Variants in FRAS1 observed in about 807,000 individuals in gnomAD.
The protein encoded by FRAS1 is extracellular matrix organizing protein FRAS1.
A neutral mutation model predicts 435.2 loss-of-function variants in FRAS1; 290 were observed. The ratio of observed to expected loss-of-function variants is 0.67; its 90% CI spans 0.61 to 0.73. The LOEUF (loss-of-function observed/expected upper bound fraction) is 0.73. Among genes scored for constraint, FRAS1 ranks in the 30% least tolerant of loss-of-function variants. The probability of loss-of-function intolerance (pLI) is 0.00; values close to 1 mark genes in which losing one functional copy is unlikely to be tolerated. For synonymous variants in FRAS1, 1,800 were observed against 1,851.0 expected, an observed-to-expected ratio of 0.97 and a Z score of 0.71; for missense variants, 4,860 against 5,001.5, an observed-to-expected ratio of 0.97 and a Z score of 0.85.
chr4:78,363,871 C>T (rs776244598), intron 21 of FRAS1, 37 bp from the exon 22 acceptor site: 2 of 1,583,104 alleles, frequency 1.3e-6, no homozygotes, highest in East Asian at 2.2e-5. Flanking sequence ...GAGAATCTGA[C>T]ATCATGGTTT....
intron 2 of FRAS1, among the ~76,000 whole-genome samples, chr4:78,095,938 C>T (rs1741782062): frequency 6.6e-6 from 1 of 152,180 alleles, no homozygotes; most frequent in Non-Finnish European, 1.5e-5. Flanking sequence ...AACAGTCCCC[C>T]AGAGTCTTAC....
chr4:78,394,349 T>G (rs1418030936), intron 29 of FRAS1, among the ~76,000 whole-genome samples: 1 of 152,074 alleles, frequency 6.6e-6, no homozygotes, highest in African/African-American at 2.4e-5. Flanking sequence ...GTTTCAGGTC[T>G]TCTGTTTAAG....
chr4:78,138,918 T>C lies in FRAS1; in HGVS notation c.108+72902T>C, dbSNP rs1018134717. Among the ~76,000 whole-genome samples, 6 of 152,312 alleles carry C rather than the reference T, an allele frequency of 3.9e-5. No individual in the cohort carries two copies. The East Asian group carries it at 9.6e-4, about 24-fold the overall frequency. Reference sequence around the variant, plus strand: ...GAACATTTATTGAATCCTGAAGATCTCTCTAAGTTCTGGCACCTGGGATTA... The same window carrying C: ...GAACATTTATTGAATCCTGAAGATCCCTCTAAGTTCTGGCACCTGGGATTA... On this transcript the variant is annotated intron_variant, in intron 2 of 73. Coordinates refer to ENST00000512123, the MANE Select transcript of FRAS1 (RefSeq NM_025074.7).
chr4:78,114,169 T>G (rs13144972), intron 2 of FRAS1, among the ~76,000 whole-genome samples: 2 of 152,094 alleles, frequency 1.3e-5, no homozygotes, highest in African/African-American at 4.8e-5. Flanking sequence ...GAGGGCTCTG[T>G]TCTGTTCCAT....
chr4:78,087,910 A>C (rs1400871031), intron 2 of FRAS1, among the ~76,000 whole-genome samples: 1 of 152,208 alleles, frequency 6.6e-6, no homozygotes, highest in African/African-American at 2.4e-5. Flanking sequence ...TTCTTCACAG[A>C]ATTGGAAAAA....
chr4:78,450,423 T>A, intron 45 of FRAS1, 84 bp downstream of exon 45: 1 of 1,122,048 alleles, frequency 8.9e-7, no homozygotes, highest in East Asian at 2.3e-5. Context: ...TGGTAGTCTA[T>A]GGCAATAAAC....
chr4:78,443,149 G>C (rs1283980740), intron 41 of FRAS1, among the ~76,000 whole-genome samples: 1 of 152,118 alleles, frequency 6.6e-6, no homozygotes, highest in Non-Finnish European at 1.5e-5. Flanking sequence ...ATGTATTTGA[G>C]ACCAGTCTGG....
At chr4:78,445,879 G>T in intron 42 of FRAS1, 167 bp downstream of exon 42, 1 of 1,342,858 alleles carries the variant, frequency 7.4e-7, no homozygotes, top group Non-Finnish European at 9.5e-7. Context: ...AATTAAGGTT[G>T]GCATTTGGGG....
chr4:78,460,161 G>A (rs78859746), intron 47 of FRAS1, among the ~76,000 whole-genome samples: 3,277 of 152,300 alleles, frequency 0.022, 119 homozygotes, highest in African/African-American at 0.075. Flanking sequence ...TGGGCTGCAA[G>A]TGGGAGGACT....
chr4:78,150,079 C>G (rs1720581195), intron 2 of FRAS1, among the ~76,000 whole-genome samples: 1 of 152,182 alleles, frequency 6.6e-6, no homozygotes, highest in East Asian at 1.9e-4. Context: ...GTCAATAATG[C>G]TGCTCGTTCT....
intron 19 of FRAS1, among the ~76,000 whole-genome samples, chr4:78,337,246 C>G (rs1560665079): frequency 6.6e-6 from 1 of 152,152 alleles, no homozygotes; most frequent in Non-Finnish European, 1.5e-5. Context: ...GGATTCCCCC[C>G]TCATCTGCTA....
At chr4:78,080,008 G>T (rs536062988) in intron 2 of FRAS1, among the ~76,000 whole-genome samples, 51 of 152,152 alleles carry the variant, frequency 3.4e-4, no homozygotes, top group African/African-American at 1.2e-3. Context: ...CCTAATGAAC[G>T]CTGCTGGAGA....
chr4:78,377,615 T>A (rs1315207140), intron 26 of FRAS1, among the ~76,000 whole-genome samples: 4 of 152,246 alleles, frequency 2.6e-5, no homozygotes, highest in Admixed American at 2.6e-4. Context: ...AGACAAGGTA[T>A]GTGTATTTCA....
At chr4:78,125,690 T>A (rs970739727) in intron 2 of FRAS1, among the ~76,000 whole-genome samples, 12 of 152,232 alleles carry the variant, frequency 7.9e-5, no homozygotes, top group Non-Finnish European at 4.4e-5. Flanking sequence ...GCTGTTTTCC[T>A]GGGTATCACC....
At chr4:78,142,666 T>C (rs1001904759) in intron 2 of FRAS1, among the ~76,000 whole-genome samples, 3 of 152,162 alleles carry the variant, frequency 2.0e-5, no homozygotes, top group African/African-American at 4.8e-5. Context: ...GATTGTTGGC[T>C]ATCCAAAAAT....
chr4:78,452,091 C>A (rs1303701418), intron 46 of FRAS1, 84 bp from the exon 47 acceptor site: 2 of 1,448,498 alleles, frequency 1.4e-6, no homozygotes, highest in African/African-American at 1.4e-5. Flanking sequence ...ATGACTCTGA[C>A]CTTACTTCTT....
intron 33 of FRAS1, among the ~76,000 whole-genome samples, chr4:78,421,530 C>A (rs1733788830): frequency 6.6e-6 from 1 of 152,184 alleles, no homozygotes; most frequent in Admixed American, 6.5e-5. Context: ...TTTCCCAGCC[C>A]ACTGACTCAA....
At position 78,237,603 on chromosome 4, in the gene FRAS1, T is replaced by C. The variant is rs2110115053; in HGVS notation, c.202T>C (p.Cys68Arg). 6.2e-7 allele frequency: 1 copy of C among 1,602,370 alleles called. No individual in the cohort carries two copies. The highest frequency in any genetic ancestry group is 2.2e-5 in the East Asian group (1 of 44,744). Residue 68 changes from cysteine (C) to arginine (R), a missense_variant, in exon 3 of 74, where the codon TGT becomes CGT. By Grantham distance (180) the Cys-to-Arg change is radical (BLOSUM62 -3). Transcript: ENST00000512123. Reference protein sequence around the residue: ...CKPAVCRNPQCAFEKGEVLQI... With the variant: ...CKPAVCRNPQRAFEKGEVLQI... ...ACCTGCTGTTTGCAGAAACCCTCAATGTGCCTTTGAGAAGGTACGGTATCC... is the reference window on the plus strand; with the variant it reads ...ACCTGCTGTTTGCAGAAACCCTCAACGTGCCTTTGAGAAGGTACGGTATCC...
chr4:78,236,006 G>T (rs942674540), intron 2 of FRAS1, among the ~76,000 whole-genome samples: 5 of 152,180 alleles, frequency 3.3e-5, no homozygotes, highest in African/African-American at 1.2e-4. Flanking sequence ...GTCACAGAGG[G>T]ATAGTGAAGA....
Sources: allele counts gnomAD v4.1 joint callset (sites outside exome capture counted in the v4.1 genomes callset), GRCh38; gene constraint gnomAD v4.1.1; transcripts MANE v1.5; gene names NCBI Gene and HGNC (gene_info 2026-07-23, HGNC 2026-07-21).